AQP7: variants seen among roughly 807,000 people sequenced by gnomAD.
The protein encoded by AQP7 is aquaporin 7.
AQP7 carries 22 observed loss-of-function variants against 26.1 expected under a neutral mutation model. That is an observed-to-expected ratio of 0.84 (90% confidence interval 0.60 to 1.20). AQP7 has a LOEUF of 1.20. Among genes scored for constraint, AQP7 ranks in the 50% most tolerant of loss-of-function variants. AQP7 has a pLI of 0.00. For synonymous variants in AQP7, 167 were observed against 181.7 expected, an observed-to-expected ratio of 0.92 and a Z score of 0.65; for missense variants, 412 against 457.5, an observed-to-expected ratio of 0.90 and a Z score of 0.91.
At chr9:33,395,285 G>T in intron 2 of AQP7, 90 bp from the exon 3 acceptor site, 3 of 1,117,614 alleles carry the variant, frequency 2.7e-6, no homozygotes, top group Non-Finnish European at 4.0e-6. Context: ...GAGTTAATAG[G>T]TAACCCAGCA....
chr9:33,399,448 A>G (rs984683430), intron 2 of AQP7, among the ~76,000 whole-genome samples: 22 of 151,394 alleles, frequency 1.5e-4, no homozygotes, highest in African/African-American at 5.4e-4. Context: ...TAAAAAAAAA[A>G]TTAGCTGGGC....
At position 33,401,017 on chromosome 9, in the gene AQP7, A is replaced by G. The variant is rs1826232598; in HGVS notation, c.26+220T>C. The G allele has an allele frequency of 2.1e-5, 12 of 581,818 alleles. No homozygotes were observed. In the South Asian group the frequency reaches 2.4e-4, roughly 11 times the overall value. 36.0% of individuals were successfully genotyped at this position (581,818 alleles called of 1,614,324 possible). Reference sequence around the variant, plus strand: ...ACCTGCATGCCTTGACCCTCATCCAAGTATTTCTGAGCCTCCCCTCACCCC... The same window carrying G: ...ACCTGCATGCCTTGACCCTCATCCAGGTATTTCTGAGCCTCCCCTCACCCC... On this transcript the variant is annotated intron_variant, in intron 2 of 7. Transcript: ENST00000297988.
chr9:33,390,063 A>T (rs567308180), intron 3 of AQP7, among the ~76,000 whole-genome samples: 4,178 of 151,164 alleles, frequency 0.028, 90 homozygotes, highest in Middle Eastern at 0.042. Flanking sequence ...AAAGAAAAAG[A>T]GTTGAAAGAC....
intron 7 of AQP7, 105 bp from the exon 8 acceptor site, chr9:33,385,395 A>G: frequency 7.5e-7 from 1 of 1,328,834 alleles, no homozygotes; most frequent in Non-Finnish European, 1.0e-6. Context: ...TCCCCAGGCT[A>G]CCCCAGGAAA....
rs78051813 is a variant in AQP7, at chr9:33,388,497, C to T, written c.145-1405G>A. ...AAACTCAGTAGGCCACCATTGAAGA[C>T]CCTGCATAATTTCATCCTTTCTGCC... is the stretch of plus-strand genomic sequence containing the variant. On this transcript the variant is annotated intron_variant, in intron 3 of 7. Coordinates refer to ENST00000297988, the MANE Select transcript of AQP7 (RefSeq NM_001170.3). Among the ~76,000 whole-genome samples the T allele has an allele frequency of 5.2e-3, 799 of 152,318 alleles. 6 individuals carry two copies. Among genetic ancestry groups the T allele is most frequent in the Middle Eastern group, 0.017 (5 of 294 alleles).
chr9:33,384,679 A>C lies in AQP7; in HGVS notation c.*326T>G. On this transcript the variant is annotated 3_prime_UTR_variant, in exon 8 of 8. Transcript: ENST00000297988. ...GTATTTCCAAAGCCGGCCCCCAACC[A>C]GTCAGCTACGGTCTGTTCCCCAAAA... is the stretch of plus-strand genomic sequence containing the variant. 4.5e-6 allele frequency: 1 copy of C among 223,524 alleles called. No individual in the cohort carries two copies. Among genetic ancestry groups the C allele is most frequent in the Non-Finnish European group, 8.7e-6 (1 of 114,654 alleles). 13.8% of individuals were successfully genotyped at this position (223,524 alleles called of 1,614,324 possible).
intron 3 of AQP7, among the ~76,000 whole-genome samples, chr9:33,390,940 T>C (rs1825337006): frequency 6.6e-6 from 1 of 152,144 alleles, no homozygotes; most frequent in African/African-American, 2.4e-5. Context: ...TGAAACCCCG[T>C]CTCTACTAAA....
At chr9:33,386,713 C>T (rs929932335) in intron 4 of AQP7, among the ~76,000 whole-genome samples, 172 bp from the exon 5 acceptor site, 3 of 152,234 alleles carry the variant, frequency 2.0e-5, no homozygotes, top group Non-Finnish European at 4.4e-5. Flanking sequence ...TCGTTTCACT[C>T]TCAAGGAAAC....
chr9:33,392,455 G>T (rs1199604629), intron 3 of AQP7, among the ~76,000 whole-genome samples: 1 of 152,126 alleles, frequency 6.6e-6, no homozygotes, highest in Non-Finnish European at 1.5e-5. Context: ...GCTATTGCGA[G>T]GATTTGGGAA....
chr9:33,390,027 C>CAAA (rs778333672), intron 3 of AQP7, among the ~76,000 whole-genome samples: 1 of 78,610 alleles, frequency 1.3e-5, no homozygotes, highest in Non-Finnish European at 2.6e-5. Context: ...GACTCCGTCT[C>CAAA]AAAAAAAAAA....
rs752985004 is a variant in AQP7, at chr9:33,385,897, G to A, written c.526-31C>T. The A allele has an allele frequency of 5.7e-6, 9 of 1,589,498 alleles. No individual in the cohort carries two copies. In the South Asian group the frequency reaches 1.0e-4, roughly 18 times the overall value. On this transcript the variant is annotated intron_variant, in intron 6 of 7. Coordinates refer to ENST00000297988, the MANE Select transcript of AQP7 (RefSeq NM_001170.3). The stretch of plus-strand genomic sequence containing the variant: ...GAGCAGATGCTGTGGCAGCTCACCT[G>A]GGCCCCTCCCCAAGCCACAGGACCT...
chr9:33,387,993 A>G (rs1306960908), intron 3 of AQP7, among the ~76,000 whole-genome samples: 1 of 151,882 alleles, frequency 6.6e-6, no homozygotes, highest in Non-Finnish European at 1.5e-5. Context: ...CCCCCTCCTC[A>G]ATCTGGCTTC....
chr9:33,394,658 C>T (rs1825702309), intron 3 of AQP7, among the ~76,000 whole-genome samples: 2 of 151,960 alleles, frequency 1.3e-5, no homozygotes, highest in African/African-American at 2.4e-5. Context: ...CCACCATGCC[C>T]AGCTAATTTT....
chr9:33,389,120 C>T (rs932238586), intron 3 of AQP7, among the ~76,000 whole-genome samples: 5 of 151,744 alleles, frequency 3.3e-5, no homozygotes, highest in African/African-American at 9.7e-5. Flanking sequence ...CTCCAACTCC[C>T]GGGTTCAAGT....
At chr9:33,400,942 A>G in intron 2 of AQP7, 1 of 477,776 alleles carries the variant, frequency 2.1e-6, no homozygotes, top group East Asian at 3.5e-5. Flanking sequence ...CCCCAAAGAC[A>G]GCTGAGCCTG....
rs1824537587 is a variant in AQP7 at position 33,384,012 on chromosome 9, GCACACAGTA to G, written c.*984_*992del. The G allele has an allele frequency of 6.6e-6, 1 of 152,300 alleles. No homozygotes were observed. Among genetic ancestry groups the G allele is most frequent in the Non-Finnish European group, 1.5e-5 (1 of 68,096 alleles). The allele number at this position is 152,300 out of a possible 1,614,324, so 9.4% of individuals were successfully genotyped here. Reference sequence around the variant, plus strand: ...CATCCCCAGTGTCCAGGCAGGGCCTGCACACAGTAGATGCACAATAATTATTGAAAGGCA... The same window carrying G: ...CATCCCCAGTGTCCAGGCAGGGCCTGGATGCACAATAATTATTGAAAGGCA... On this transcript the variant is annotated 3_prime_UTR_variant, in exon 8 of 8. Coordinates refer to ENST00000297988, the MANE Select transcript of AQP7 (RefSeq NM_001170.3).
At chr9:33,394,531 C>G (rs1050240182) in intron 3 of AQP7, among the ~76,000 whole-genome samples, 1 of 147,116 alleles carries the variant, frequency 6.8e-6, no homozygotes, top group Admixed American at 6.9e-5. Context: ...GAGTTTCGCT[C>G]CTGTCACCCA....
At chr9:33,400,599 T>C (rs1332576607) in intron 2 of AQP7, among the ~76,000 whole-genome samples, 1 of 152,084 alleles carries the variant, frequency 6.6e-6, no homozygotes, top group African/African-American at 2.4e-5. Flanking sequence ...CTGGCGAACA[T>C]GGCGAAACCC....
intron 1 of AQP7, 22 bp from the exon 2 acceptor site, chr9:33,401,309 A>G (rs1299861537): frequency 6.5e-7 from 1 of 1,542,704 alleles, no homozygotes; most frequent in Admixed American, 2.0e-5. Context: ...AAGAGAGGTC[A>G]CTAGGGCTGG....
Sources: allele counts gnomAD v4.1 joint callset (sites outside exome capture counted in the v4.1 genomes callset), GRCh38; gene constraint gnomAD v4.1.1; transcripts MANE v1.5; gene names NCBI Gene and HGNC (gene_info 2026-07-23, HGNC 2026-07-21).